Variants in CD28 observed in about 807,000 individuals in gnomAD.
The protein encoded by CD28 is T-cell-specific surface glycoprotein CD28.
In CD28, 8 loss-of-function variants were observed where a neutral mutation model predicts 21.4. The observed-to-expected ratio is 0.37, with a 90% confidence interval of 0.22 to 0.68. The LOEUF (loss-of-function observed/expected upper bound fraction) is 0.68. CD28 is among the 30% of genes least tolerant of loss of function. CD28 has a pLI of 0.55. For synonymous variants in CD28, 106 were observed against 104.0 expected, an observed-to-expected ratio of 1.02 and a Z score of -0.12; for missense variants, 239 against 272.2, an observed-to-expected ratio of 0.88 and a Z score of 0.86.
chr2:203,724,127 CA>C (rs1693679786), intron 1 of CD28, among the ~76,000 whole-genome samples: 1 of 152,068 alleles, frequency 6.6e-6, no homozygotes, highest in African/African-American at 2.4e-5. Context: ...AGAAACGAGA[CA>C]CAAAAAGCCA....
intron 1 of CD28, among the ~76,000 whole-genome samples, chr2:203,724,382 C>T (rs1314661347): frequency 1.3e-5 from 2 of 151,952 alleles, no homozygotes; most frequent in Non-Finnish European, 2.9e-5. Context: ...CTTTATAGTA[C>T]CTGAATTATA....
chr2:203,726,599 C>A, intron 1 of CD28, 34 bp from the exon 2 acceptor site: 1 of 1,494,348 alleles, frequency 6.7e-7, no homozygotes, highest in South Asian at 1.2e-5. Context: ...TCCTTATATT[C>A]TTGTTCTAAG....
intron 1 of CD28, among the ~76,000 whole-genome samples, chr2:203,715,629 C>T (rs1559551455): frequency 1.3e-5 from 2 of 152,120 alleles, no homozygotes; most frequent in Admixed American, 6.6e-5. Flanking sequence ...AACTGTCATC[C>T]TAATACATAT....
At chr2:203,712,316 T>A (rs975108956) in intron 1 of CD28, among the ~76,000 whole-genome samples, 2 of 152,188 alleles carry the variant, frequency 1.3e-5, no homozygotes, top group Non-Finnish European at 2.9e-5. Flanking sequence ...AGGTTATATA[T>A]AATAGGAGGA....
intron 1 of CD28, among the ~76,000 whole-genome samples, chr2:203,714,390 T>C (rs4675358): frequency 0.91 from 139,177 of 152,208 alleles, 63,673 homozygotes; most frequent in East Asian, 0.99. Flanking sequence ...GGCGGGACTC[T>C]AGTTTCCAGT....
chr2:203,723,750 G>C (rs796067506), intron 1 of CD28, among the ~76,000 whole-genome samples: 1 of 152,112 alleles, frequency 6.6e-6, no homozygotes, highest in African/African-American at 2.4e-5. Context: ...AACAAGTGTC[G>C]GCAAGGGTGA....
In CD28 at chr2:203,734,779, T is replaced by C; in HGVS notation, c.535-5T>C. ...CCTCCATACTGACACTTCTCTTTCCTGCAGGTGAGGAGTAAGAGGAGCAGG... is the reference window on the plus strand; with the variant it reads ...CCTCCATACTGACACTTCTCTTTCCCGCAGGTGAGGAGTAAGAGGAGCAGG... On this transcript the variant is annotated splice_region_variant and splice_polypyrimidine_tract_variant and intron_variant, in intron 3 of 3. Transcript: ENST00000324106. 1 of 1,614,196 alleles carries C rather than the reference T, an allele frequency of 6.2e-7. No individual in the cohort carries two copies. The highest frequency in any genetic ancestry group is 8.5e-7 in the Non-Finnish European group (1 of 1,180,010).
intron 3 of CD28, among the ~76,000 whole-genome samples, chr2:203,731,224 G>A (rs963608647): frequency 6.6e-6 from 1 of 152,260 alleles, no homozygotes; most frequent in Non-Finnish European, 1.5e-5. Context: ...ATTGTAAAAT[G>A]TTGCCTGAAT....
In CD28 at chr2:203,738,005, C is replaced by T. The variant is rs914494751; in HGVS notation, c.*3093C>T. 1 of 152,020 alleles carries T rather than the reference C, an allele frequency of 6.6e-6. No individual in the cohort carries two copies. Among genetic ancestry groups the T allele is most frequent in the African/African-American group, 2.4e-5 (1 of 41,410 alleles). 9.4% of individuals were successfully genotyped at this position (152,020 alleles called of 1,614,324 possible). A position where few individuals can be genotyped will look rare whatever the true frequency, so the allele number is the denominator to read the frequency against. On this transcript the variant is annotated 3_prime_UTR_variant, in exon 4 of 4. Coordinates refer to ENST00000324106, the MANE Select transcript of CD28 (RefSeq NM_006139.4). ...TCCAGTTTAGCCTTTTTTGAAAAAG[C>T]TAGACTTTCAAATACTAATTTCACT...
At chr2:203,709,945 G>A (rs1693266024) in intron 1 of CD28, among the ~76,000 whole-genome samples, 1 of 152,234 alleles carries the variant, frequency 6.6e-6, no homozygotes, top group South Asian at 2.1e-4. Context: ...TCTGAGAGAG[G>A]CATGGAAAGC....
rs77205518 is a variant in CD28 at position 203,731,498 on chromosome 2, C to T, written c.534+1726C>T. On this transcript the variant is annotated intron_variant, in intron 3 of 3. Coordinates refer to ENST00000324106, the MANE Select transcript of CD28 (RefSeq NM_006139.4). ...GATACCCCTCCAGGAAAGGCATTCC[C>T]CTGTGATATGCTGACCTAGGTCAAA... Among the ~76,000 whole-genome samples the T allele has an allele frequency of 2.4e-3, 362 of 152,296 alleles. 3 individuals are homozygous for T. Among genetic ancestry groups the T allele is most frequent in the African/African-American group, 8.6e-3 (357 of 41,556 alleles).
At chr2:203,722,469 C>A (rs1693627966) in intron 1 of CD28, among the ~76,000 whole-genome samples, 1 of 152,116 alleles carries the variant, frequency 6.6e-6, no homozygotes, top group South Asian at 2.1e-4. Context: ...CACAGGTTTC[C>A]AAAAAGGATT....
intron 1 of CD28, among the ~76,000 whole-genome samples, chr2:203,716,381 T>C (rs1693463138): frequency 6.6e-6 from 1 of 152,092 alleles, no homozygotes; most frequent in African/African-American, 2.4e-5. Context: ...CTTCGGAGAG[T>C]AGCTGATTGT....
intron 2 of CD28, among the ~76,000 whole-genome samples, chr2:203,729,296 A>T (rs564613732): frequency 1.3e-5 from 2 of 152,200 alleles, no homozygotes; most frequent in East Asian, 3.9e-4. Flanking sequence ...CCAAGGATGC[A>T]GTTTAGGGTC....
At chr2:203,707,081 C>A (rs1014786522) in intron 1 of CD28, among the ~76,000 whole-genome samples, 1 of 152,046 alleles carries the variant, frequency 6.6e-6, no homozygotes. Context: ...TGAGCTCAAG[C>A]AATCCACCTG....
At chr2:203,733,445 G>T (rs1693949815) in intron 3 of CD28, among the ~76,000 whole-genome samples, 1 of 152,098 alleles carries the variant, frequency 6.6e-6, no homozygotes, top group South Asian at 2.1e-4. Flanking sequence ...AGCATTTGGG[G>T]GAAATCTTGA....
At chr2:203,708,186 C>T (rs992720627) in intron 1 of CD28, among the ~76,000 whole-genome samples, 2 of 152,088 alleles carry the variant, frequency 1.3e-5, no homozygotes. Context: ...TGCAGAGGTA[C>T]AGTAGTTGCA....
At chr2:203,724,013 C>G (rs569138145) in intron 1 of CD28, among the ~76,000 whole-genome samples, 2 of 152,124 alleles carry the variant, frequency 1.3e-5, no homozygotes, top group Non-Finnish European at 2.9e-5. Flanking sequence ...TATAGCCATA[C>G]AATGGAATAT....
intron 1 of CD28, among the ~76,000 whole-genome samples, chr2:203,721,021 A>G (rs1693590691): frequency 6.6e-6 from 1 of 152,210 alleles, no homozygotes. Flanking sequence ...ACCAAATGCT[A>G]TGAGGATATA....
Sources: gnomAD v4.1 joint callset for allele counts (sites outside exome capture counted in the v4.1 genomes callset) on GRCh38, gnomAD v4.1.1 for gene constraint, MANE v1.5 for transcripts, NCBI Gene and HGNC (gene_info 2026-07-23, HGNC 2026-07-21) for gene names.